Variants in KCNQ1 observed in about 807,000 individuals in gnomAD.
The protein encoded by KCNQ1 is potassium voltage-gated channel subfamily KQT member 1.
Under a neutral mutation model 72.4 loss-of-function variants are expected in KCNQ1, and 49 were observed. That is an observed-to-expected ratio of 0.68 (90% CI 0.54 to 0.86). The LOEUF is 0.86. Among genes scored for constraint, KCNQ1 ranks in the 40% least tolerant of loss-of-function variants. The pLI, the probability that KCNQ1 is intolerant of heterozygous loss-of-function variation, is 0.00. For missense variants in KCNQ1, 790 were observed against 945.1 expected (o/e 0.84, Z 2.15); for synonymous variants, 450 against 412.6 (o/e 1.09, Z -1.10).
intron 10 of KCNQ1, chr11:2,655,290 C>G (rs566966099): frequency 1.5e-5 from 6 of 398,568 alleles, no homozygotes; most frequent in African/African-American, 1.2e-4. Context: ...TTGTTCTGCC[C>G]TGAAAATTTA....
chr11:2,847,628 C>A, intron 15 of KCNQ1, 139 bp from the exon 16 acceptor site: 2 of 761,772 alleles, frequency 2.6e-6, no homozygotes, highest in Non-Finnish European at 4.4e-6. Context: ...TGCACACGTG[C>A]GTGCCGCCTG....
rs74046836 is a variant in KCNQ1, at chr11:2,661,920, G to C, written c.1394-41G>C. On this transcript the variant is annotated intron_variant, in intron 10 of 15. Transcript: ENST00000155840. The surrounding 1 kb of genome is among the most constrained non-coding windows in gnomAD (Gnocchi z 5.9). ...CTGGCTCCACAGCACTGGCAGGTTGGGTGGGAGGCCTAACGTGCTGTCCCC... is the reference window on the plus strand; with the variant it reads ...CTGGCTCCACAGCACTGGCAGGTTGCGTGGGAGGCCTAACGTGCTGTCCCC... 1,823 of 1,613,852 alleles carry C rather than the reference G, an allele frequency of 1.1e-3. 26 individuals carry two copies. The African/African-American group carries it at 0.022, about 19-fold the overall frequency.
In KCNQ1 at chr11:2,526,548, G is replaced by A. The variant is rs1414041465; in HGVS notation, c.387-1380G>A. Among the ~76,000 whole-genome samples the A allele has an allele frequency of 6.6e-6, 1 of 152,102 alleles. No individual in the cohort carries two copies. The highest frequency in any genetic ancestry group is 1.5e-5 in the Non-Finnish European group (1 of 68,006). On this transcript the variant is annotated intron_variant, in intron 1 of 15. Transcript: ENST00000155840. The surrounding 1 kb of genome is among the most constrained non-coding windows in gnomAD (Gnocchi z 6.1). ...CAGGAAAGGATTGTCCTGTCCACAG[G>A]AGCTTGGGGAAGGGGGTGGGGGGCC...
intron 15 of KCNQ1, among the ~76,000 whole-genome samples, chr11:2,833,432 G>A (rs1847994692): frequency 6.6e-6 from 1 of 152,188 alleles, no homozygotes; most frequent in African/African-American, 2.4e-5. Flanking sequence ...CTGCATAGAT[G>A]TGAGGGAGTC....
Position 2,682,478 on chromosome 11 carries a change from G to GTGAGTGAGTGAA in KCNQ1, c.1514+20408_1514+20409insATGAGTGAGTGA. 1 of 378,870 alleles carries GTGAGTGAGTGAA rather than the reference G, an allele frequency of 2.6e-6. No individual in the cohort carries two copies. The allele number at this position is 378,870 out of a possible 1,614,324, so 23.5% of individuals were successfully genotyped here. A position where few individuals can be genotyped will look rare whatever the true frequency, so the allele number is the denominator to read the frequency against. On this transcript the variant is annotated intron_variant, in intron 11 of 15. Transcript: ENST00000155840. This position sits in a 1 kb window ranked among gnomAD's most constrained non-coding sequence, Gnocchi z 5.8. ...CGGACCCTCAGTGAATGTTTGACGA[G>GTGAGTGAGTGAA]TGAGTGAGTGAGTGAGTGAGTGAGT...
intron 11 of KCNQ1, among the ~76,000 whole-genome samples, chr11:2,742,798 G>A (rs1846078944): frequency 6.6e-6 from 1 of 152,206 alleles, no homozygotes; most frequent in Non-Finnish European, 1.5e-5. Context: ...CGGCTGCTGA[G>A]GGAATGCAGG....
intron 1 of KCNQ1, among the ~76,000 whole-genome samples, chr11:2,469,759 C>T (rs189877075): frequency 0.018 from 2,657 of 151,814 alleles, 68 homozygotes; most frequent in African/African-American, 0.058. Context: ...CTGCAAGCTC[C>T]GCCTTCCGGG....
chr11:2,582,919 A>G (rs1412071531), intron 6 of KCNQ1, among the ~76,000 whole-genome samples: 1 of 152,104 alleles, frequency 6.6e-6, no homozygotes, highest in Non-Finnish European at 1.5e-5. Flanking sequence ...CCCACCAAGA[A>G]GAAGGCTTGA....
Position 2,668,008 on chromosome 11 carries a change from G to A in KCNQ1, c.1514+5927G>A. The stretch of plus-strand genomic sequence containing the variant: ...GTCACTGACCTTGAGATTAACCACA[G>A]GCCTAACTGCTAGCAGCAAGGACCA... On this transcript the variant is annotated intron_variant, in intron 11 of 15. Coordinates refer to ENST00000155840, the MANE Select transcript of KCNQ1 (RefSeq NM_000218.3). The surrounding 1 kb of genome is among the most constrained non-coding windows in gnomAD (Gnocchi z 4.3). The A allele has an allele frequency of 2.5e-6, 1 of 398,640 alleles. No homozygotes were observed. The highest frequency in any genetic ancestry group is 4.4e-6 in the Non-Finnish European group (1 of 226,096). 24.7% of individuals were successfully genotyped at this position (398,640 alleles called of 1,614,324 possible). A position where few individuals can be genotyped will look rare whatever the true frequency, so the allele number is the denominator to read the frequency against.
In KCNQ1 at chr11:2,541,929, C is replaced by T. The variant is rs1297255820; in HGVS notation, c.477+13911C>T. On this transcript the variant is annotated intron_variant, in intron 2 of 15. Coordinates refer to ENST00000155840, the MANE Select transcript of KCNQ1 (RefSeq NM_000218.3). The surrounding 1 kb of genome is among the most constrained non-coding windows in gnomAD (Gnocchi z 4.8). ...AGTCGGCAGCCTCTGGAGGCCTCTG[C>T]ACCCCTCCTGTGAAAGGCCGGCGCA... is the stretch of plus-strand genomic sequence containing the variant. 6.6e-6 allele frequency among the ~76,000 whole-genome samples: 1 copy of T among 152,150 alleles called. No individual in the cohort carries two copies. Among genetic ancestry groups the T allele is most frequent in the Non-Finnish European group, 1.5e-5 (1 of 68,022 alleles).
At position 2,668,848 on chromosome 11, in the gene KCNQ1, T is replaced by G; in HGVS notation, c.1514+6767T>G. 1 of 398,640 alleles carries G rather than the reference T, an allele frequency of 2.5e-6. No homozygotes were observed. The highest frequency in any genetic ancestry group is 4.4e-6 in the Non-Finnish European group (1 of 226,074). The allele number at this position is 398,640 out of a possible 1,614,324, so 24.7% of individuals were successfully genotyped here. On this transcript the variant is annotated intron_variant, in intron 11 of 15. Coordinates refer to ENST00000155840, the MANE Select transcript of KCNQ1 (RefSeq NM_000218.3). The surrounding 1 kb of genome is among the most constrained non-coding windows in gnomAD (Gnocchi z 4.3). ...ACATTTCCTCTCTGGATAGGGCTGT[T>G]TGTGTCCTATTTAAGAAACTTTGAC...
Position 2,695,917 on chromosome 11 carries a change from G to A in KCNQ1, c.1514+33836G>A, listed in dbSNP as rs753300582. On this transcript the variant is annotated intron_variant, in intron 11 of 15. Transcript: ENST00000155840. The surrounding 1 kb of genome is among the most constrained non-coding windows in gnomAD (Gnocchi z 5.2). ...TCCTACCTTTTTCTTAATGATTTGT[G>A]GTGCTTTCTGGTATATTTTAGCTGT... 1.3e-5 allele frequency: 5 copies of A among 398,362 alleles called. No individual in the cohort carries two copies. The highest frequency in any genetic ancestry group is 8.8e-5 in the Admixed American group (2 of 22,710). The allele number at this position is 398,362 out of a possible 1,614,324, so 24.7% of individuals were successfully genotyped here.
chr11:2,652,901 C>G lies in KCNQ1; in HGVS notation c.1394-9060C>G. The stretch of plus-strand genomic sequence containing the variant: ...TGTTTGGGGTGTGGGGTGTGGTCCT[C>G]AGTATCCTAAACTTAGGTTTTGGAA... On this transcript the variant is annotated intron_variant, in intron 10 of 15. Transcript: ENST00000155840. This position sits in a 1 kb window ranked among gnomAD's most constrained non-coding sequence, Gnocchi z 5.9. The G allele has an allele frequency of 2.5e-6, 1 of 398,646 alleles. No individual in the cohort carries two copies. Among genetic ancestry groups the G allele is most frequent in the Non-Finnish European group, 4.4e-6 (1 of 226,090 alleles). The allele number at this position is 398,646 out of a possible 1,614,324, so 24.7% of individuals were successfully genotyped here. A position where few individuals can be genotyped will look rare whatever the true frequency, so the allele number is the denominator to read the frequency against.
Position 2,782,062 on chromosome 11 carries a change from T to C in KCNQ1, c.1794+4025T>C, listed in dbSNP as rs1385910340. Reference sequence around the variant, plus strand: ...TTGGGTGTTTGCCCCCAGACACTGCTACCCTTTCCCTCATTCCAGTGTGAC... The same window carrying C: ...TTGGGTGTTTGCCCCCAGACACTGCCACCCTTTCCCTCATTCCAGTGTGAC... On this transcript the variant is annotated intron_variant, in intron 15 of 15. Transcript: ENST00000155840. The surrounding 1 kb of genome is among the most constrained non-coding windows in gnomAD (Gnocchi z 6.1). Among the ~76,000 whole-genome samples, 2 of 152,168 alleles carry C rather than the reference T, an allele frequency of 1.3e-5. No individual in the cohort carries two copies. The highest frequency in any genetic ancestry group is 4.8e-5 in the African/African-American group (2 of 41,432).
Position 2,508,258 on chromosome 11 carries a change from C to T in KCNQ1, c.387-19670C>T, listed in dbSNP as rs1034205947. The stretch of plus-strand genomic sequence containing the variant: ...GGTGGTCACCAAGGGTCTTTGGGCT[C>T]CTGTGGGGACCATACTGGCTTGTCT... On this transcript the variant is annotated intron_variant, in intron 1 of 15. Coordinates refer to ENST00000155840, the MANE Select transcript of KCNQ1 (RefSeq NM_000218.3). The surrounding 1 kb of genome is among the most constrained non-coding windows in gnomAD (Gnocchi z 6.2). 6.6e-6 allele frequency among the ~76,000 whole-genome samples: 1 copy of T among 152,212 alleles called. No individual in the cohort carries two copies. The highest frequency in any genetic ancestry group is 6.5e-5 in the Admixed American group (1 of 15,292).
At position 2,478,077 on chromosome 11, in the gene KCNQ1, A is replaced by G. The variant is rs1338187867; in HGVS notation, c.386+32593A>G. Among the ~76,000 whole-genome samples, 1 of 152,224 alleles carries G rather than the reference A, an allele frequency of 6.6e-6. No individual in the cohort carries two copies. Among genetic ancestry groups the G allele is most frequent in the East Asian group, 1.9e-4 (1 of 5,200 alleles). On this transcript the variant is annotated intron_variant, in intron 1 of 15. Transcript: ENST00000155840. This position sits in a 1 kb window ranked among gnomAD's most constrained non-coding sequence, Gnocchi z 4.0. ...AAGTTAACATCACCAGGAATGGGAC[A>G]GGCCAGCTTCACCACCCTCCGGATG...
chr11:2,629,747 C>T (rs774880907), intron 10 of KCNQ1: 17 of 398,274 alleles, frequency 4.3e-5, no homozygotes, highest in African/African-American at 1.4e-4. Context: ...TGTATAGATA[C>T]GCAAATGACT....
chr11:2,588,889 C>T lies in KCNQ1; in HGVS notation c.1393+35C>T, dbSNP rs912341853. 2 of 1,607,698 alleles carry T rather than the reference C, an allele frequency of 1.2e-6. No individual in the cohort carries two copies. The highest frequency in any genetic ancestry group is 2.7e-5 in the African/African-American group (2 of 74,826). On this transcript the variant is annotated intron_variant, in intron 10 of 15. Coordinates refer to ENST00000155840, the MANE Select transcript of KCNQ1 (RefSeq NM_000218.3). This position sits in a 1 kb window ranked among gnomAD's most constrained non-coding sequence, Gnocchi z 5.6. Reference sequence around the variant, plus strand: ...CCTCAGGCAGTTGGGGGCCGCGGGGCCGGGAAGGTCACTGCCTTTTTTGGG... The same window carrying T: ...CCTCAGGCAGTTGGGGGCCGCGGGGTCGGGAAGGTCACTGCCTTTTTTGGG...
intron 6 of KCNQ1, among the ~76,000 whole-genome samples, chr11:2,573,628 G>T (rs1437813527): frequency 6.6e-6 from 1 of 152,220 alleles, no homozygotes; most frequent in African/African-American, 2.4e-5. Flanking sequence ...GGGCCCAGAG[G>T]CTGCCCCTGG....
Sources: allele counts gnomAD v4.1 joint callset (sites outside exome capture counted in the v4.1 genomes callset), GRCh38; gene constraint gnomAD v4.1.1; non-coding constraint Gnocchi (gnomAD v3.1); transcripts MANE v1.5; gene names NCBI Gene and HGNC (gene_info 2026-07-23, HGNC 2026-07-21).